Variants in DMD observed in about 807,000 individuals in gnomAD.
DMD encodes mutant dystrophin.
DMD carries 63 observed loss-of-function variants against 330.1 expected under a neutral mutation model. The ratio of observed to expected loss-of-function variants is 0.19; its 90% CI spans 0.16 to 0.24. The LOEUF (loss-of-function observed/expected upper bound fraction) is 0.24, where lower values mean the gene tolerates loss of function less well. Ranked by LOEUF, DMD falls within the 10% of genes least tolerant of loss-of-function variation. DMD has a pLI of 1.00. For synonymous variants in DMD, 1,223 were observed against 959.8 expected (o/e 1.27, Z -5.07); for missense variants, 3,344 against 2,684.1 (o/e 1.25, Z -5.43).
intron 7 of DMD, among the ~76,000 whole-genome samples, chrX:32,771,861 C>A: frequency 9.0e-6 from 1 of 111,657 alleles, no homozygotes. Flanking sequence ...CAAGGATGGG[C>A]TCAACATCTA....
chrX:32,500,918 A>C (rs2043990839), intron 19 of DMD, among the ~76,000 whole-genome samples: 1 of 112,202 alleles, frequency 8.9e-6, no homozygotes, highest in Non-Finnish European at 1.9e-5. Flanking sequence ...GATTCTGAAA[A>C]AAGCTGACAT....
intron 24 of DMD, among the ~76,000 whole-genome samples, chrX:32,464,142 A>G (rs2148423662): frequency 8.9e-6 from 1 of 112,119 alleles, no homozygotes; most frequent in African/African-American, 3.2e-5. Flanking sequence ...AGAACAACAC[A>G]GTATGAATAG....
chrX:32,343,017 CATCAA>C, intron 40 of DMD, 112 bp downstream of exon 40: 1 of 731,687 alleles, frequency 1.4e-6, no homozygotes, highest in South Asian at 2.2e-5. Context: ...CAAGGAAATG[CATCAA>C]ATCAAAGAGA....
chrX:32,573,676 T>C (rs1209859652), intron 14 of DMD, 39 bp from the exon 15 acceptor site: 16 of 1,196,261 alleles, frequency 1.3e-5, no homozygotes, highest in Admixed American at 2.2e-5. Context: ...TAAATAAACA[T>C]AAATCTTTAC....
At chrX:31,728,803 G>A (rs999634218) in intron 52 of DMD, among the ~76,000 whole-genome samples, 1 of 111,907 alleles carries the variant, frequency 8.9e-6, no homozygotes, top group Non-Finnish European at 1.9e-5. Context: ...GGATATTGCA[G>A]AGGAAGCAAG....
Position 32,721,752 on chromosome X carries a change from A to G in DMD, c.650-22459T>C, listed in dbSNP as rs184715765. On this transcript the variant is annotated intron_variant, in intron 7 of 78. Transcript: ENST00000357033. ...GAAATTTTGATGTGATATTCAAAAA[A>G]TCCTTGCAAAGGCGACTGTCAGAGA... is the stretch of plus-strand genomic sequence containing the variant. Among the ~76,000 whole-genome samples the G allele has an allele frequency of 3.4e-3, 377 of 111,135 alleles. 6 individuals are homozygous for G. Among genetic ancestry groups the G allele is most frequent in the African/African-American group, 0.012 (353 of 30,689 alleles).
At chrX:33,232,148 G>C (rs1160542770) in intron 1 of DMD, among the ~76,000 whole-genome samples, 2 of 112,068 alleles carry the variant, frequency 1.8e-5, no homozygotes, top group Non-Finnish European at 3.8e-5. Context: ...AGACAAACAC[G>C]CTGAGGGAAT....
intron 1 of DMD, among the ~76,000 whole-genome samples, chrX:33,237,078 G>C (rs1050747560): frequency 9.1e-6 from 1 of 110,303 alleles, no homozygotes; most frequent in Non-Finnish European, 1.9e-5. Context: ...TGAGGGAAAC[G>C]GTTGTACAAT....
At chrX:31,571,804 C>G (rs1376830061) in intron 55 of DMD, among the ~76,000 whole-genome samples, 14 of 111,132 alleles carry the variant, frequency 1.3e-4, no homozygotes. Flanking sequence ...CAGCAGTATC[C>G]CCGCCCCCAA....
intron 4 of DMD, among the ~76,000 whole-genome samples, chrX:32,826,004 A>C (rs970952866): frequency 1.8e-5 from 2 of 111,281 alleles, no homozygotes; most frequent in African/African-American, 6.5e-5. Flanking sequence ...AAATAGAAAA[A>C]ATGATACCTC....
chrX:32,336,076 A>C (rs1268670891), intron 41 of DMD, among the ~76,000 whole-genome samples: 2 of 93,498 alleles, frequency 2.1e-5, no homozygotes, highest in African/African-American at 8.1e-5. Context: ...CGTGTGTATA[A>C]CATGTTATAT....
At chrX:32,517,702 T>A (rs766001790) in intron 18 of DMD, 3 of 373,278 alleles carry the variant, frequency 8.0e-6, no homozygotes, top group Non-Finnish European at 1.4e-5. Flanking sequence ...TTGAGGTAAC[T>A]GAACAATATA....
intron 48 of DMD, among the ~76,000 whole-genome samples, chrX:31,863,393 A>G (rs1227730971): frequency 8.9e-6 from 1 of 112,335 alleles, no homozygotes; most frequent in Non-Finnish European, 1.9e-5. Context: ...TGTGGTAGGC[A>G]CTTCATTCCA....
chrX:31,473,276 G>A (rs1412412110), intron 59 of DMD, among the ~76,000 whole-genome samples: 1 of 107,601 alleles, frequency 9.3e-6, no homozygotes, highest in Non-Finnish European at 1.9e-5. Context: ...GGCTGAGGCA[G>A]AGAATTGCTT....
At chrX:32,966,264 T>C (rs2092149646) in intron 2 of DMD, among the ~76,000 whole-genome samples, 1 of 111,941 alleles carries the variant, frequency 8.9e-6, no homozygotes, top group Non-Finnish European at 1.9e-5. Flanking sequence ...TATGAGGAGC[T>C]GCAAAAAGCA....
intron 62 of DMD, among the ~76,000 whole-genome samples, chrX:31,275,039 A>G (rs2051983701): frequency 9.0e-6 from 1 of 111,034 alleles, no homozygotes; most frequent in African/African-American, 3.3e-5. Context: ...AAATAGAGAG[A>G]AAAAAAGCAG....
intron 2 of DMD, among the ~76,000 whole-genome samples, chrX:32,950,935 T>C (rs2091209170): frequency 9.0e-6 from 1 of 111,420 alleles, no homozygotes; most frequent in African/African-American, 3.3e-5. Flanking sequence ...TTTTCTTTTG[T>C]CCATTGAATT....
intron 55 of DMD, among the ~76,000 whole-genome samples, chrX:31,602,309 C>T (rs1445025975): frequency 9.5e-6 from 1 of 105,330 alleles, no homozygotes; most frequent in African/African-American, 3.5e-5. Flanking sequence ...AATTCACTGG[C>T]TCCTTTCTCC....
At chrX:32,869,227 C>A (rs2082759258) in intron 2 of DMD, among the ~76,000 whole-genome samples, 1 of 111,056 alleles carries the variant, frequency 9.0e-6, no homozygotes, top group African/African-American at 3.3e-5. Context: ...AAAAAAATCC[C>A]AATTAAAACC....
Sources: allele counts gnomAD v4.1 joint callset (sites outside exome capture counted in the v4.1 genomes callset), GRCh38; gene constraint gnomAD v4.1.1; transcripts MANE v1.5; gene names NCBI Gene and HGNC (gene_info 2026-07-23, HGNC 2026-07-21).